The following FSTL4 variants were observed in gnomAD, a reference collection of about 807,000 sequenced individuals.
FSTL4 encodes follistatin like 4, also known as follistatin-related protein 4.
In FSTL4, 28 loss-of-function variants were observed where a neutral mutation model predicts 78.2. That is an observed-to-expected ratio of 0.36 (90% CI 0.27 to 0.49). FSTL4 has a LOEUF of 0.49. Ranked by LOEUF, FSTL4 falls within the 20% of genes least tolerant of loss-of-function variation. The pLI is 0.98. For missense variants in FSTL4, 922 were observed against 1,084.9 expected, an observed-to-expected ratio of 0.85 and a Z score of 2.11; for synonymous variants, 422 against 440.5, an observed-to-expected ratio of 0.96 and a Z score of 0.53.
the FSTL4 span, among the ~76,000 whole-genome samples, chr5:133,624,589 T>G: frequency 6.6e-6 from 1 of 151,876 alleles, no homozygotes; most frequent in Non-Finnish European, 1.5e-5. Flanking sequence ...GTATATGAAT[T>G]TCACTTCCAA....
intron 6 of FSTL4, among the ~76,000 whole-genome samples, chr5:133,307,783 C>CTTTT (rs61206159): frequency 7.3e-6 from 1 of 137,222 alleles, no homozygotes; most frequent in Non-Finnish European, 1.5e-5. Context: ...TCCCAATTTT[C>CTTTT]TTTTTTTTTT....
At chr5:133,561,375 G>A (rs1193027399) in intron 3 of FSTL4, among the ~76,000 whole-genome samples, 1 of 152,052 alleles carries the variant, frequency 6.6e-6, no homozygotes, top group Non-Finnish European at 1.5e-5. Flanking sequence ...TGTGGACACC[G>A]AACACATCCC....
At chr5:133,531,336 T>C (rs887287585) in intron 3 of FSTL4, among the ~76,000 whole-genome samples, 6 of 152,098 alleles carry the variant, frequency 3.9e-5, no homozygotes, top group Non-Finnish European at 5.9e-5. Flanking sequence ...GCCCTGACTT[T>C]GGCCCTAATC....
At chr5:133,634,303 G>A in the FSTL4 span, among the ~76,000 whole-genome samples, 1 of 152,122 alleles carries the variant, frequency 6.6e-6, no homozygotes, top group Non-Finnish European at 1.5e-5. Flanking sequence ...GGGTGAAGTA[G>A]ACTGGTTAAT....
chr5:133,320,834 C>T (rs541089377), intron 4 of FSTL4, among the ~76,000 whole-genome samples: 5 of 152,060 alleles, frequency 3.3e-5, no homozygotes, highest in Admixed American at 6.5e-5. Context: ...GGTGAAACCC[C>T]GTCTCTACCA....
intron 3 of FSTL4, among the ~76,000 whole-genome samples, chr5:133,530,960 G>A (rs1759238378): frequency 6.6e-6 from 1 of 152,176 alleles, no homozygotes; most frequent in Non-Finnish European, 1.5e-5. Context: ...TGCTGCGCAA[G>A]CCTGGACCAC....
At chr5:133,340,766 A>C (rs192701698) in intron 4 of FSTL4, among the ~76,000 whole-genome samples, 54 of 152,270 alleles carry the variant, frequency 3.5e-4, no homozygotes, top group Middle Eastern at 6.8e-3. Context: ...CATATCACAG[A>C]CCAAGCTAAA....
chr5:133,825,793 G>A, the FSTL4 span, among the ~76,000 whole-genome samples: 2 of 152,236 alleles, frequency 1.3e-5, no homozygotes, highest in Non-Finnish European at 2.9e-5. Context: ...AGCTCCAGCT[G>A]TCGGTGACAT....
At chr5:133,467,323 C>T (rs1166393799) in intron 3 of FSTL4, among the ~76,000 whole-genome samples, 2 of 151,888 alleles carry the variant, frequency 1.3e-5, no homozygotes, top group African/African-American at 2.4e-5. Flanking sequence ...GGGACAGAGG[C>T]TCAGTGGCAT....
At chr5:133,203,445 C>T (rs1011088504) in intron 14 of FSTL4, among the ~76,000 whole-genome samples, 1 of 152,182 alleles carries the variant, frequency 6.6e-6, no homozygotes, top group Non-Finnish European at 1.5e-5. Context: ...CTCAGGCAGG[C>T]TGGAGGCTTG....
rs750668510 is a variant in FSTL4, at chr5:133,603,970, C to T, written c.14G>A (p.Gly5Asp). The change falls in exon 2 of 16, where the codon GGC (glycine) becomes GAC (aspartate). Residue 5 changes from glycine to aspartate, a missense_variant. By Grantham distance (94) the Gly-to-Asp change is moderately conservative. Coordinates refer to ENST00000265342, the MANE Select transcript of FSTL4 (RefSeq NM_015082.2). ...GAGCAGTGTGAGATGCAGCCAAAAGCCTCCTGGTTTCATTTTGATGAGTCT... is the reference window on the plus strand; with the variant it reads ...GAGCAGTGTGAGATGCAGCCAAAAGTCTCCTGGTTTCATTTTGATGAGTCT... MKPGGFWLHLTLLGA... is the reference protein window; with the variant it reads MKPGDFWLHLTLLGA... The T allele has an allele frequency of 6.2e-7, 1 of 1,612,750 alleles. No homozygotes were observed. Among genetic ancestry groups the T allele is most frequent in the Non-Finnish European group, 8.5e-7 (1 of 1,178,796 alleles).
the FSTL4 span, among the ~76,000 whole-genome samples, chr5:133,809,717 T>A: frequency 1.3e-5 from 2 of 152,114 alleles, no homozygotes; most frequent in Non-Finnish European, 2.9e-5. Flanking sequence ...AGGACCAGTG[T>A]GAGGACTATA....
chr5:133,228,842 A>G, intron 8 of FSTL4, among the ~76,000 whole-genome samples: 1 of 152,234 alleles, frequency 6.6e-6, no homozygotes, highest in East Asian at 1.9e-4. Context: ...GAAAAAGGAC[A>G]AAGGAAGAGA....
chr5:133,640,694 A>G, the FSTL4 span, among the ~76,000 whole-genome samples: 20 of 152,178 alleles, frequency 1.3e-4, no homozygotes, highest in Non-Finnish European at 2.5e-4. Context: ...GAAAATAAGA[A>G]TGGGATAACA....
chr5:133,267,318 G>T (rs987138709), intron 6 of FSTL4, among the ~76,000 whole-genome samples: 4 of 152,214 alleles, frequency 2.6e-5, no homozygotes, highest in African/African-American at 9.6e-5. Flanking sequence ...CTGAGCCCTG[G>T]CTTAGGAGGG....
intron 3 of FSTL4, among the ~76,000 whole-genome samples, chr5:133,518,522 A>G (rs894881818): frequency 6.6e-6 from 1 of 152,196 alleles, no homozygotes; most frequent in African/African-American, 2.4e-5. Context: ...ATTATCTTCA[A>G]TTTCTGGGAT....
intron 6 of FSTL4, among the ~76,000 whole-genome samples, chr5:133,262,338 T>G (rs1581578414): frequency 1.3e-5 from 2 of 152,210 alleles, no homozygotes; most frequent in African/African-American, 4.8e-5. Flanking sequence ...TCTGTCTGCT[T>G]TACACAGGCT....
At chr5:133,736,781 G>T in the FSTL4 span, among the ~76,000 whole-genome samples, 1 of 152,154 alleles carries the variant, frequency 6.6e-6, no homozygotes, top group East Asian at 1.9e-4. Flanking sequence ...CTGCAGCATG[G>T]CTCCCCAGAA....
chr5:133,837,161 T>C, the FSTL4 span, among the ~76,000 whole-genome samples: 1 of 152,054 alleles, frequency 6.6e-6, no homozygotes, highest in Non-Finnish European at 1.5e-5. Flanking sequence ...AGTTTTCTAC[T>C]GATCCTTCTT....
Sources: allele counts gnomAD v4.1 joint callset (sites outside exome capture counted in the v4.1 genomes callset), GRCh38; gene constraint gnomAD v4.1.1; transcripts MANE v1.5; gene names NCBI Gene and HGNC (gene_info 2026-07-23, HGNC 2026-07-21).